SPRED1: variants seen among roughly 807,000 people sequenced by gnomAD.
SPRED1 encodes sprouty related EVH1 domain containing 1.
A neutral mutation model predicts 52.3 loss-of-function variants in SPRED1; 18 were observed. The observed-to-expected ratio is 0.34, with a 90% CI of 0.24 to 0.51. The LOEUF (loss-of-function observed/expected upper bound fraction) is 0.51, where lower values mean the gene tolerates loss of function less well. SPRED1 is among the 20% of genes least tolerant of loss of function. SPRED1 has a pLI of 0.97. For missense variants in SPRED1, 485 were observed against 551.0 expected (o/e 0.88, Z 1.20); for synonymous variants, 155 against 179.7 (o/e 0.86, Z 1.10).
At chr15:38,334,799 A>G (rs1176281989) in intron 4 of SPRED1, among the ~76,000 whole-genome samples, 1 of 151,860 alleles carries the variant, frequency 6.6e-6, no homozygotes, top group Non-Finnish European at 1.5e-5. Flanking sequence ...TTTTTGTTAA[A>G]AAATAGTGCT....
At chr15:38,274,772 A>C (rs996945021) in intron 1 of SPRED1, among the ~76,000 whole-genome samples, 2 of 152,160 alleles carry the variant, frequency 1.3e-5, no homozygotes, top group Non-Finnish European at 2.9e-5. Context: ...GTCTTTTATA[A>C]CCTTGACACT....
chr15:38,302,669 T>C (rs1379929539), intron 2 of SPRED1, among the ~76,000 whole-genome samples: 2 of 152,198 alleles, frequency 1.3e-5, no homozygotes, highest in African/African-American at 4.8e-5. Flanking sequence ...GGTTGCCTTA[T>C]GTTACTGTTC....
intron 1 of SPRED1, among the ~76,000 whole-genome samples, chr15:38,293,001 A>G (rs1484516042): frequency 6.6e-6 from 1 of 151,606 alleles, no homozygotes; most frequent in Non-Finnish European, 1.5e-5. Flanking sequence ...GCATAACCTC[A>G]TTTATTTCTT....
intron 1 of SPRED1, among the ~76,000 whole-genome samples, chr15:38,278,922 G>A (rs1304568074): frequency 3.4e-5 from 5 of 146,822 alleles, no homozygotes; most frequent in Admixed American, 7.1e-5. Flanking sequence ...CTGCCTCCTG[G>A]GTTCAAGTGA....
chr15:38,274,389 C>CT (rs945910050), intron 1 of SPRED1, among the ~76,000 whole-genome samples: 4 of 152,202 alleles, frequency 2.6e-5, no homozygotes, highest in Admixed American at 1.3e-4. Flanking sequence ...TTGTGTATTA[C>CT]TTTAGAATCT....
At chr15:38,269,614 A>T (rs886653866) in intron 1 of SPRED1, among the ~76,000 whole-genome samples, 1 of 152,112 alleles carries the variant, frequency 6.6e-6, no homozygotes, top group Non-Finnish European at 1.5e-5. Context: ...TTACTGAAAG[A>T]TACTACCTTT....
chr15:38,318,618 A>G (rs780405851), intron 2 of SPRED1, among the ~76,000 whole-genome samples: 2 of 152,038 alleles, frequency 1.3e-5, no homozygotes, highest in Non-Finnish European at 2.9e-5. Context: ...CCCAGTGTCT[A>G]TTATTGCCAT....
At position 38,356,144 on chromosome 15, in the gene SPRED1, A is replaced by AGTGTC. The variant is rs1456891547; in HGVS notation, c.*4483_*4487dup. ...ATTTTTGTGAACATTTCCAGTGTGT[A>AGTGTC]GTGTCGTTTGCTTTCTATTTCTGAC... On this transcript the variant is annotated 3_prime_UTR_variant, in exon 7 of 7. Coordinates refer to ENST00000299084, the MANE Select transcript of SPRED1 (RefSeq NM_152594.3). 6.6e-6 allele frequency: 1 copy of AGTGTC among 152,108 alleles called. No homozygotes were observed. Among genetic ancestry groups the AGTGTC allele is most frequent in the Non-Finnish European group, 1.5e-5 (1 of 67,974 alleles). The allele number at this position is 152,108 out of a possible 1,614,324, so 9.4% of individuals were successfully genotyped here. A position where few individuals can be genotyped will look rare whatever the true frequency, so the allele number is the denominator to read the frequency against.
intron 1 of SPRED1, among the ~76,000 whole-genome samples, chr15:38,294,274 G>A (rs1258801743): frequency 6.6e-6 from 1 of 152,072 alleles, no homozygotes; most frequent in Non-Finnish European, 1.5e-5. Flanking sequence ...ATGCCTCAAT[G>A]GATAAATAAG....
intron 2 of SPRED1, among the ~76,000 whole-genome samples, chr15:38,321,698 A>T (rs1364657279): frequency 2.0e-5 from 3 of 152,146 alleles, no homozygotes; most frequent in Non-Finnish European, 1.5e-5. Context: ...GGCTCAGACG[A>T]TTCTCCTGCC....
intron 1 of SPRED1, among the ~76,000 whole-genome samples, chr15:38,277,216 C>T (rs1192470051): frequency 2.0e-5 from 3 of 152,082 alleles, no homozygotes; most frequent in Non-Finnish European, 4.4e-5. Context: ...CAGATTATTT[C>T]GTCACTGAGG....
Position 38,293,099 on chromosome 15 carries a change from C to CTTTTT in SPRED1, c.33-6259_33-6255dup, listed in dbSNP as rs66511254. On this transcript the variant is annotated intron_variant, in intron 1 of 6. Coordinates refer to ENST00000299084, the MANE Select transcript of SPRED1 (RefSeq NM_152594.3). Reference sequence around the variant, plus strand: ...TTAAGTAATTTACCCAAGATTACAACTTTTTTTTTTTTTTTTTTTGAGACG... The same window carrying CTTTTT: ...TTAAGTAATTTACCCAAGATTACAACTTTTTTTTTTTTTTTTTTTTTTTTGAGACG... Among the ~76,000 whole-genome samples, 2 of 90,734 alleles carry CTTTTT rather than the reference C, an allele frequency of 2.2e-5. 1 individual carries two copies. Among genetic ancestry groups the CTTTTT allele is most frequent in the South Asian group, 9.0e-4 (2 of 2,228 alleles). The allele number at this position is 90,734 out of a possible 152,430, so 59.5% of individuals were successfully genotyped here. A position where few individuals can be genotyped will look rare whatever the true frequency, so the allele number is the denominator to read the frequency against.
Position 38,253,223 on chromosome 15 carries a change from C to T in SPRED1, c.32+6C>T. ...ACGGCGACTTCTGACAACGAGTAAGCGCCTCATTGATCTCGATTGCTAATC... is the reference window on the plus strand; with the variant it reads ...ACGGCGACTTCTGACAACGAGTAAGTGCCTCATTGATCTCGATTGCTAATC... On this transcript the variant is annotated splice_donor_region_variant and intron_variant, in intron 1 of 6. Coordinates refer to ENST00000299084, the MANE Select transcript of SPRED1 (RefSeq NM_152594.3). 11 of 1,573,570 alleles carry T rather than the reference C, an allele frequency of 7.0e-6. No individual in the cohort carries two copies. Among genetic ancestry groups the T allele is most frequent in the Non-Finnish European group, 9.5e-6 (11 of 1,158,222 alleles).
chr15:38,275,607 C>T (rs373458562), intron 1 of SPRED1, among the ~76,000 whole-genome samples: 5 of 152,134 alleles, frequency 3.3e-5, no homozygotes, highest in African/African-American at 4.8e-5. Context: ...AATCAATTCC[C>T]GTACCTCAGC....
rs565009702 is a variant in SPRED1 at position 38,354,149 on chromosome 15, A to G, written c.*2485A>G. 2 of 152,548 alleles carry G rather than the reference A, an allele frequency of 1.3e-5. No homozygotes were observed. The highest frequency in any genetic ancestry group is 1.9e-4 in the East Asian group (1 of 5,184). 9.4% of individuals were successfully genotyped at this position (152,548 alleles called of 1,614,324 possible). On this transcript the variant is annotated 3_prime_UTR_variant, in exon 7 of 7. Transcript: ENST00000299084. ...ATGATATAATGTTCTCTGAATCCCT[A>G]TATGGAAATTTTCTTTTGAGTAAAT...
At chr15:38,289,865 G>A (rs1244580773) in intron 1 of SPRED1, among the ~76,000 whole-genome samples, 2 of 152,212 alleles carry the variant, frequency 1.3e-5, no homozygotes, top group Admixed American at 1.3e-4. Context: ...CCAACTCACA[G>A]AAGTGTATAA....
At chr15:38,286,264 T>G (rs1299553223) in intron 1 of SPRED1, among the ~76,000 whole-genome samples, 3 of 150,512 alleles carry the variant, frequency 2.0e-5, no homozygotes, top group Non-Finnish European at 4.4e-5. Context: ...GCAGATTGCT[T>G]CAGATTAGCT....
At position 38,352,194 on chromosome 15, in the gene SPRED1, G is replaced by A. The variant is rs756612869; in HGVS notation, c.*530G>A. ...TTATATTTAACTAAATGTAAGGTAC[G>A]AATTATTACATATTAAACTTTTCTT... On this transcript the variant is annotated 3_prime_UTR_variant, in exon 7 of 7. Transcript: ENST00000299084. The A allele has an allele frequency of 2.6e-5, 4 of 156,682 alleles. No individual in the cohort carries two copies. Among genetic ancestry groups the A allele is most frequent in the Admixed American group, 6.3e-5 (1 of 15,948 alleles). The allele number at this position is 156,682 out of a possible 1,614,324, so 9.7% of individuals were successfully genotyped here.
intron 2 of SPRED1, among the ~76,000 whole-genome samples, chr15:38,305,043 C>G (rs1166472986): frequency 6.6e-6 from 1 of 152,018 alleles, no homozygotes; most frequent in African/African-American, 2.4e-5. Flanking sequence ...GTACTCTTTT[C>G]TTAGGCCAAG....
Sources: allele counts gnomAD v4.1 joint callset (sites outside exome capture counted in the v4.1 genomes callset), GRCh38; gene constraint gnomAD v4.1.1; transcripts MANE v1.5; gene names NCBI Gene and HGNC (gene_info 2026-07-23, HGNC 2026-07-21).